Variants in CYTH3 observed in about 807,000 individuals in gnomAD.
CYTH3 encodes the protein cytohesin 3.
CYTH3 carries 23 observed loss-of-function variants against 55.1 expected under a neutral mutation model. The observed-to-expected ratio is 0.42, with a 90% CI of 0.30 to 0.59. The LOEUF is 0.59. Among genes scored for constraint, CYTH3 ranks in the 20% least tolerant of loss-of-function variants. The pLI is 0.20. For synonymous variants in CYTH3, 249 were observed against 194.9 expected, an observed-to-expected ratio of 1.28 and a Z score of -2.31; for missense variants, 413 against 524.8, an observed-to-expected ratio of 0.79 and a Z score of 2.08.
At chr7:6,261,732 CCTTA>C (rs1362231134) in intron 1 of CYTH3, among the ~76,000 whole-genome samples, 7 of 150,670 alleles carry the variant, frequency 4.6e-5, no homozygotes, top group African/African-American at 1.7e-4. Flanking sequence ...AGTGATATTC[CCTTA>C]CTTTAACTGC....
At chr7:6,225,372 A>G (rs957540623) in intron 1 of CYTH3, among the ~76,000 whole-genome samples, 15 of 149,074 alleles carry the variant, frequency 1.0e-4, no homozygotes, top group African/African-American at 3.2e-4. Context: ...TTTTTTTTTG[A>G]GACAGAGTTT....
rs36036670 is a variant in CYTH3 at position 6,192,529 on chromosome 7, ATTT to A, written c.35-2001_35-1999del. On this transcript the variant is annotated intron_variant, in intron 1 of 12. Transcript: ENST00000350796. ...AGCCACTGTGCCCAGCCACAAGTCA[ATTT>A]TTTTTTTTTTTTTTTTTTGAGACAG... Among the ~76,000 whole-genome samples, 3 of 111,310 alleles carry A rather than the reference ATTT, an allele frequency of 2.7e-5. No homozygotes were observed. In the East Asian group the frequency reaches 7.6e-4, roughly 28 times the overall value. The allele number at this position is 111,310 out of a possible 152,430, so 73.0% of individuals were successfully genotyped here. A position where few individuals can be genotyped will look rare whatever the true frequency, so the allele number is the denominator to read the frequency against.
intron 1 of CYTH3, among the ~76,000 whole-genome samples, chr7:6,250,895 C>G (rs1779945640): frequency 1.3e-5 from 2 of 152,214 alleles, no homozygotes; most frequent in African/African-American, 4.8e-5. Flanking sequence ...GGTGCACAGT[C>G]CCTCGCTCCT....
In CYTH3 at chr7:6,170,352, C is replaced by T. The variant is rs1029234112; in HGVS notation, c.823+183G>A. On this transcript the variant is annotated intron_variant, in intron 9 of 12. Coordinates refer to ENST00000350796, the MANE Select transcript of CYTH3 (RefSeq NM_004227.4). This position sits in a 1 kb window ranked among gnomAD's most constrained non-coding sequence, Gnocchi z 7.8. ...CTGCCGCGGGCATGGCTCTGAGGCC[C>T]CGGCTCGGAGAAGCAGCCGTGGCCA... is the stretch of plus-strand genomic sequence containing the variant. 4.9e-6 allele frequency: 3 copies of T among 608,554 alleles called. No homozygotes were observed. In the Admixed American group the frequency reaches 9.5e-5, roughly 19 times the overall value. The allele number at this position is 608,554 out of a possible 1,614,324, so 37.7% of individuals were successfully genotyped here. A position where few individuals can be genotyped will look rare whatever the true frequency, so the allele number is the denominator to read the frequency against.
chr7:6,193,188 T>A (rs946558193), intron 1 of CYTH3, among the ~76,000 whole-genome samples: 1 of 143,680 alleles, frequency 7.0e-6, no homozygotes, highest in South Asian at 2.3e-4. Flanking sequence ...AAAAAGGAAA[T>A]TGGGCAAATG....
intron 1 of CYTH3, among the ~76,000 whole-genome samples, chr7:6,268,887 A>G (rs1051057936): frequency 2.6e-5 from 4 of 152,222 alleles, no homozygotes; most frequent in Non-Finnish European, 5.9e-5. Flanking sequence ...ACAGGAAATG[A>G]TAATACAAAG....
chr7:6,267,314 G>A (rs1780524240), intron 1 of CYTH3, among the ~76,000 whole-genome samples: 1 of 152,134 alleles, frequency 6.6e-6, no homozygotes, highest in African/African-American at 2.4e-5. Flanking sequence ...GGCACTAATA[G>A]CTCTTGTGCC....
chr7:6,178,208 T>C (rs1194439537), intron 4 of CYTH3, among the ~76,000 whole-genome samples: 1 of 152,234 alleles, frequency 6.6e-6, no homozygotes, highest in South Asian at 2.1e-4. Context: ...CAGGTGGTTA[T>C]TAGAAATTAT....
In CYTH3 at chr7:6,177,905, T is replaced by G. The variant is rs762754518; in HGVS notation, c.286A>C (p.Ser96Arg). ...AACTGGGCGACGTCTTCTGGGGAAC[T>G]CTGTAGCAGGTCATTTTCTATTAGA... The part of the protein sequence containing the change: ...QFLIENDLLQ[S>R]SPEDVAQFLY... The change falls in exon 5 of 13, where the codon AGT becomes CGT. Residue 96 changes from serine (S) to arginine (R), a missense_variant. Physicochemically the swap from Ser to Arg is moderately radical, Grantham distance 110 (BLOSUM62 -1). Around this residue, in one of 4 missense-constraint regions of CYTH3, gnomAD observed 152 missense variants for 148.1 expected, o/e 1.03. Coordinates refer to ENST00000350796, the MANE Select transcript of CYTH3 (RefSeq NM_004227.4). 4 of 1,614,160 alleles carry G rather than the reference T, an allele frequency of 2.5e-6. No homozygotes were observed. The highest frequency in any genetic ancestry group is 3.4e-6 in the Non-Finnish European group (4 of 1,179,986).
At chr7:6,255,537 CG>C (rs1424253775) in intron 1 of CYTH3, among the ~76,000 whole-genome samples, 2 of 152,020 alleles carry the variant, frequency 1.3e-5, no homozygotes, top group African/African-American at 4.8e-5. Flanking sequence ...CAGAGTCGGC[CG>C]TGAAGAAGCT....
At chr7:6,180,073 C>T (rs112793819) in intron 4 of CYTH3, among the ~76,000 whole-genome samples, 3 of 152,280 alleles carry the variant, frequency 2.0e-5, no homozygotes, top group East Asian at 1.9e-4. Context: ...CAAGTGAGGC[C>T]GGTGGAGAAG....
intron 1 of CYTH3, among the ~76,000 whole-genome samples, chr7:6,215,333 G>C (rs1305826435): frequency 6.6e-6 from 1 of 152,212 alleles, no homozygotes; most frequent in Non-Finnish European, 1.5e-5. Context: ...GCTCACGCCT[G>C]TAATCCCAGA....
chr7:6,231,009 C>G (rs1462534565), intron 1 of CYTH3, among the ~76,000 whole-genome samples: 1 of 152,224 alleles, frequency 6.6e-6, no homozygotes, highest in Non-Finnish European at 1.5e-5. Flanking sequence ...TGTGCCTTCA[C>G]TTTCCCCACA....
In CYTH3 at chr7:6,272,367, AC is replaced by A. The variant is rs1030805878; in HGVS notation, c.34+106del. The A allele has an allele frequency of 8.6e-6, 9 of 1,050,294 alleles. No individual in the cohort carries two copies. In the African/African-American group the frequency reaches 1.5e-4, roughly 17 times the overall value. The allele number at this position is 1,050,294 out of a possible 1,614,324, so 65.1% of individuals were successfully genotyped here. On this transcript the variant is annotated intron_variant, in intron 1 of 12. Coordinates refer to ENST00000350796, the MANE Select transcript of CYTH3 (RefSeq NM_004227.4). ...GCGGACGCCGCTGCCGCTGCCCCCG[AC>A]CCCGTCTCCTCCGGCGAACCCCGGC...
chr7:6,232,096 T>C (rs762296045), intron 1 of CYTH3, among the ~76,000 whole-genome samples: 36 of 152,330 alleles, frequency 2.4e-4, no homozygotes, highest in Non-Finnish European at 4.1e-4. Context: ...TTTTTTTGAA[T>C]GGCTGTCTTA....
intron 1 of CYTH3, 82 bp downstream of exon 1, chr7:6,272,392 G>T: frequency 8.2e-7 from 1 of 1,224,294 alleles, no homozygotes; most frequent in Non-Finnish European, 1.0e-6. Context: ...GCGAACCCCG[G>T]CCCAGCGCCG....
At chr7:6,220,329 T>C (rs1251472547) in intron 1 of CYTH3, among the ~76,000 whole-genome samples, 1 of 152,120 alleles carries the variant, frequency 6.6e-6, no homozygotes, top group Non-Finnish European at 1.5e-5. Context: ...TCATATTTTA[T>C]ACAAAATTAA....
intron 1 of CYTH3, among the ~76,000 whole-genome samples, chr7:6,237,476 GAGGCGGGC>G (rs1779553041): frequency 1.3e-5 from 2 of 152,116 alleles, no homozygotes; most frequent in South Asian, 4.1e-4. Flanking sequence ...TTGGGAGGCC[GAGGCGGGC>G]GGATCTCCAG....
intron 4 of CYTH3, among the ~76,000 whole-genome samples, chr7:6,181,518 A>G (rs1382759336): frequency 6.6e-6 from 1 of 152,190 alleles, no homozygotes; most frequent in Non-Finnish European, 1.5e-5. Flanking sequence ...AGGTAATCTG[A>G]TCTTTCCTTC....
Sources: gnomAD v4.1 joint callset for allele counts (sites outside exome capture counted in the v4.1 genomes callset) on GRCh38, gnomAD v4.1.1 for gene constraint, gnomAD v4.1.1 regional missense constraint, Gnocchi (gnomAD v3.1) non-coding constraint, MANE v1.5 for transcripts, NCBI Gene and HGNC (gene_info 2026-07-23, HGNC 2026-07-21) for gene names.